The following NT5C2 variants were observed in gnomAD, a reference collection of about 807,000 sequenced individuals.
NT5C2 encodes the protein cytosolic purine 5'-nucleotidase.
NT5C2 carries 58 observed loss-of-function variants against 76.1 expected under a neutral mutation model. That is an observed-to-expected ratio of 0.76 (90% CI 0.62 to 0.95). The LOEUF is 0.95. NT5C2 is among the 40% of genes least tolerant of loss of function. The probability of loss-of-function intolerance (pLI) is 0.00; values close to 1 mark genes in which losing one functional copy is unlikely to be tolerated. For synonymous variants in NT5C2, 229 were observed against 237.4 expected (o/e 0.96, Z 0.32); for missense variants, 478 against 690.3 (o/e 0.69, Z 3.45).
chr10:103,184,263 GTTTA>G (rs913154388), intron 1 of NT5C2, among the ~76,000 whole-genome samples: 8 of 151,274 alleles, frequency 5.3e-5, no homozygotes, highest in Non-Finnish European at 1.2e-4. Flanking sequence ...AAGTTTTTTT[GTTTA>G]TTTTTCATTT....
intron 6 of NT5C2, 49 bp from the exon 7 acceptor site, chr10:103,101,375 T>C: frequency 9.5e-7 from 1 of 1,052,608 alleles, no homozygotes; most frequent in Non-Finnish European, 1.4e-6. Flanking sequence ...AACATTATAA[T>C]AATTGGGAAA....
chr10:103,129,844 C>T (rs1392500987), intron 4 of NT5C2, among the ~76,000 whole-genome samples: 6 of 87,240 alleles, frequency 6.9e-5, no homozygotes, highest in African/African-American at 3.0e-4. Context: ...TGAGGAGCCC[C>T]TCTGCCCGGC....
At chr10:103,139,841 G>C (rs369901275) in intron 3 of NT5C2, among the ~76,000 whole-genome samples, 1 of 152,214 alleles carries the variant, frequency 6.6e-6, no homozygotes, top group East Asian at 1.9e-4. Flanking sequence ...CTATACATTA[G>C]ATCTCTTAGA....
chr10:103,174,833 A>G (rs1407326431), intron 3 of NT5C2, 25 bp downstream of exon 3: 2 of 1,478,576 alleles, frequency 1.4e-6, no homozygotes, highest in Admixed American at 1.7e-5. Flanking sequence ...AGGGGTTTTG[A>G]GGATTAAATA....
intron 6 of NT5C2, among the ~76,000 whole-genome samples, 189 bp from the exon 7 acceptor site, chr10:103,101,515 T>A (rs1474135907): frequency 1.8e-5 from 1 of 54,458 alleles, no homozygotes; most frequent in East Asian, 1.0e-3. Flanking sequence ...TTAATTTTAA[T>A]TTTTTTTTTT....
intron 3 of NT5C2, 71 bp downstream of exon 3, chr10:103,174,784 TTAA>T: frequency 1.0e-6 from 1 of 963,514 alleles, no homozygotes; most frequent in Admixed American, 1.7e-5. Flanking sequence ...TCTCTGTACA[TTAA>T]TTTCATCATC....
intron 3 of NT5C2, among the ~76,000 whole-genome samples, chr10:103,147,385 T>C (rs951503508): frequency 3.9e-5 from 6 of 152,252 alleles, no homozygotes; most frequent in Non-Finnish European, 5.9e-5. Context: ...TTGTTTATAT[T>C]CTTTTCCCTA....
rs1244032393 is a variant in NT5C2 at position 103,128,980 on chromosome 10, G to A, written c.175+10426C>T. 8.9e-5 allele frequency among the ~76,000 whole-genome samples: 10 copies of A among 112,830 alleles called. 2 individuals carry two copies. The highest frequency in any genetic ancestry group is 9.8e-5 in the Non-Finnish European group (5 of 50,946). The allele number at this position is 112,830 out of a possible 152,430, so 74.0% of individuals were successfully genotyped here. A position where few individuals can be genotyped will look rare whatever the true frequency, so the allele number is the denominator to read the frequency against. On this transcript the variant is annotated intron_variant, in intron 4 of 18. Coordinates refer to ENST00000404739, the MANE Select transcript of NT5C2 (RefSeq NM_001351169.2). ...ACCCCGTCCGGGAGGGAGGTAGGGG[G>A]GGGTCAACCCCCCGCCCGGCCAGCC...
In NT5C2 at chr10:103,130,333, T is replaced by C. The variant is rs1365370512; in HGVS notation, c.175+9073A>G. 3.9e-5 allele frequency among the ~76,000 whole-genome samples: 6 copies of C among 152,058 alleles called. No individual in the cohort carries two copies. The South Asian group carries it at 1.2e-3, about 32-fold the overall frequency. ...ATTAAGGGCGGTGCAAGATGTGCTT[T>C]GTTAAACAGATGCTTGAAGGCAGCA... On this transcript the variant is annotated intron_variant, in intron 4 of 18. Coordinates refer to ENST00000404739, the MANE Select transcript of NT5C2 (RefSeq NM_001351169.2).
At chr10:103,173,555 T>C (rs188230621) in intron 3 of NT5C2, among the ~76,000 whole-genome samples, 2 of 140,468 alleles carry the variant, frequency 1.4e-5, no homozygotes, top group African/African-American at 5.4e-5. Flanking sequence ...AGACGGAGCC[T>C]GCAGTGAGAT....
chr10:103,162,625 G>A (rs2085211952), intron 3 of NT5C2, among the ~76,000 whole-genome samples: 1 of 152,052 alleles, frequency 6.6e-6, no homozygotes, highest in Admixed American at 6.6e-5. Flanking sequence ...AACTGCTAGG[G>A]AAAACTATTT....
intron 1 of NT5C2, among the ~76,000 whole-genome samples, chr10:103,191,397 A>AAG (rs202139040): frequency 2.9e-5 from 4 of 138,778 alleles, no homozygotes; most frequent in South Asian, 2.6e-4. Context: ...AAAAAAAAAA[A>AAG]AGAGAGAGAG....
chr10:103,127,187 G>A (rs547485891), intron 4 of NT5C2, among the ~76,000 whole-genome samples: 2 of 152,270 alleles, frequency 1.3e-5, no homozygotes, highest in South Asian at 2.1e-4. Context: ...TAAATAAAGT[G>A]TTAATCTACA....
chr10:103,178,971 T>TA (rs1303332968), intron 2 of NT5C2, among the ~76,000 whole-genome samples: 3 of 149,932 alleles, frequency 2.0e-5, no homozygotes, highest in Non-Finnish European at 4.4e-5. Flanking sequence ...TTTTTTGAGA[T>TA]AGAGTCTTGC....
chr10:103,117,774 G>A (rs1043309115), intron 4 of NT5C2, among the ~76,000 whole-genome samples: 5 of 152,058 alleles, frequency 3.3e-5, no homozygotes, highest in East Asian at 1.9e-4. Flanking sequence ...TACTTTTAGC[G>A]TCTACAGCAC....
At chr10:103,186,265 G>A (rs1365802215) in intron 1 of NT5C2, among the ~76,000 whole-genome samples, 6 of 152,164 alleles carry the variant, frequency 3.9e-5, no homozygotes, top group African/African-American at 1.4e-4. Context: ...GATGTAAGGT[G>A]CTAAGAACAG....
Position 103,100,012 on chromosome 10 carries a change from T to G in NT5C2, c.547A>C (p.Thr183Pro), listed in dbSNP as rs761543688. 1.5e-5 allele frequency: 24 copies of G among 1,601,296 alleles called. No individual in the cohort carries two copies. The highest frequency in any genetic ancestry group is 2.0e-5 in the Non-Finnish European group (23 of 1,169,188). The change falls in exon 9 of 19, where the codon ACA (threonine) becomes CCA (proline). Residue 183 changes from threonine to proline, a missense_variant. Coordinates refer to ENST00000404739, the MANE Select transcript of NT5C2 (RefSeq NM_001351169.2). ...AAGAGGTCCCCATCTTTAAATCCTG[T>G]TTCACAACTACAGAAAGATAAAAAT... ...TNCPRYTSCETGFKDGDLFMS... is the reference protein window; with the variant it reads ...TNCPRYTSCEPGFKDGDLFMS...
intron 3 of NT5C2, among the ~76,000 whole-genome samples, chr10:103,152,024 A>G (rs2082499758): frequency 6.6e-6 from 1 of 152,316 alleles, no homozygotes; most frequent in South Asian, 2.1e-4. Flanking sequence ...ATACTTTACC[A>G]TAGGGTAAAA....
At chr10:103,178,954 C>CTTTTTTTTTTTTTTTTTTTTTTTTT (rs758982511) in intron 2 of NT5C2, among the ~76,000 whole-genome samples, 1 of 128,480 alleles carries the variant, frequency 7.8e-6, no homozygotes, top group African/African-American at 2.9e-5. Flanking sequence ...TTCTTTTTTT[C>CTTTTTTTTTTTTTTTTTTTTTTTTT]TTTTTTTTTT....
Sources: allele counts gnomAD v4.1 joint callset (sites outside exome capture counted in the v4.1 genomes callset), GRCh38; gene constraint gnomAD v4.1.1; transcripts MANE v1.5; gene names NCBI Gene and HGNC (gene_info 2026-07-23, HGNC 2026-07-21).